Variants in ZIC2 observed in about 807,000 individuals in gnomAD.
ZIC2 encodes zinc finger protein ZIC 2.
ZIC2 carries 7 observed loss-of-function variants against 29.5 expected under a neutral mutation model. The observed-to-expected ratio is 0.24, with a 90% CI of 0.14 to 0.45. The LOEUF is 0.45. Among genes scored for constraint, ZIC2 ranks in the 20% least tolerant of loss-of-function variants. The pLI is 1.00. For synonymous variants in ZIC2, 408 were observed against 354.2 expected, an observed-to-expected ratio of 1.15 and a Z score of -1.70; for missense variants, 589 against 781.2, an observed-to-expected ratio of 0.75 and a Z score of 2.93.
rs757999325 is a variant in ZIC2 at position 99,986,117 on chromosome 13, T to A, written c.*435T>A. On this transcript the variant is annotated 3_prime_UTR_variant, in exon 3 of 3. Transcript: ENST00000376335. ...GTTTGTCCATTTGTAAAACTCCGGATTGCGTTCCTCCCCGCCTTCCGCCCC... is the reference window on the plus strand; with the variant it reads ...GTTTGTCCATTTGTAAAACTCCGGAATGCGTTCCTCCCCGCCTTCCGCCCC... The A allele has an allele frequency of 4.4e-6, 2 of 451,394 alleles. No homozygotes were observed. Among genetic ancestry groups the A allele is most frequent in the Non-Finnish European group, 8.9e-6 (2 of 225,816 alleles). The allele number at this position is 451,394 out of a possible 1,614,324, so 28.0% of individuals were successfully genotyped here.
intron 1 of ZIC2, 200 bp from the exon 2 acceptor site, chr13:99,984,737 AGTAAAATAC>A (rs2053254446): frequency 1.7e-6 from 1 of 595,260 alleles, no homozygotes; most frequent in Non-Finnish European, 3.0e-6. Context: ...CCTGGAAGAA[AGTAAAATAC>A]GAAATAAATG....
chr13:99,986,207 T>C lies in ZIC2; in HGVS notation c.*525T>C, dbSNP rs1294323513. ...TTAGTTTACCCGGTTTCTTTTTAAG[T>C]AATGTGGAAGAAAATGGTTTATTTT... is the stretch of plus-strand genomic sequence containing the variant. On this transcript the variant is annotated 3_prime_UTR_variant, in exon 3 of 3. Coordinates refer to ENST00000376335, the MANE Select transcript of ZIC2 (RefSeq NM_007129.5). The C allele has an allele frequency of 3.2e-6, 1 of 315,896 alleles. No homozygotes were observed. The highest frequency in any genetic ancestry group is 6.2e-6 in the Non-Finnish European group (1 of 162,206). The allele number at this position is 315,896 out of a possible 1,614,324, so 19.6% of individuals were successfully genotyped here. A position where few individuals can be genotyped will look rare whatever the true frequency, so the allele number is the denominator to read the frequency against.
rs1308158971 is a variant in ZIC2, at chr13:99,982,913, G to A, written c.849G>A (p.Leu283=). ...CNKTFSTMHE[L]VTHVSVEHVG... ...AAACTTTCAGCACCATGCACGAGCT[G>A]GTGACACACGTCTCGGTGGAGCACG... The change falls in exon 1 of 3, where the codon CTG becomes CTA. Residue 283 remains leucine (L), a synonymous_variant. Coordinates refer to ENST00000376335, the MANE Select transcript of ZIC2 (RefSeq NM_007129.5). The A allele has an allele frequency of 6.2e-7, 1 of 1,613,832 alleles. No individual in the cohort carries two copies. Among genetic ancestry groups the A allele is most frequent in the Non-Finnish European group, 8.5e-7 (1 of 1,180,030 alleles).
rs757262942 is a variant in ZIC2, at chr13:99,982,143, G to T, written c.79G>T (p.Ala27Ser). 1.5e-6 allele frequency: 2 copies of T among 1,331,918 alleles called. No homozygotes were observed. Among genetic ancestry groups the T allele is most frequent in the South Asian group, 4.1e-5 (2 of 48,752 alleles). 82.5% of individuals were successfully genotyped at this position (1,331,918 alleles called of 1,614,324 possible). Reference sequence around the variant, plus strand: ...GCGCCACCATCACCACTCCGCCGCGGCGGCGGCGGCGGCTGCCGCCGAGAT... The same window carrying T: ...GCGCCACCATCACCACTCCGCCGCGTCGGCGGCGGCGGCTGCCGCCGAGAT... ...FARHHHHSAA[A>S]AAAAAAEMQD... is the part of the protein sequence containing the mutation. Residue 27 changes from alanine to serine, a missense_variant, in exon 1 of 3, where the codon GCG (alanine) becomes TCG (serine). By Grantham distance (99) the Ala-to-Ser change is moderately conservative. Coordinates refer to ENST00000376335, the MANE Select transcript of ZIC2 (RefSeq NM_007129.5).
chr13:99,985,375 G>T lies in ZIC2; in HGVS notation c.1292G>T (p.Gly431Val). 1 of 1,597,652 alleles carries T rather than the reference G, an allele frequency of 6.3e-7. No homozygotes were observed. The highest frequency in any genetic ancestry group is 8.5e-7 in the Non-Finnish European group (1 of 1,179,236). The change falls in exon 3 of 3, where the codon GGC becomes GTC. Residue 431 changes from glycine (G) to valine (V), a missense_variant. Gly to Val is a moderately radical substitution (Grantham distance 109, BLOSUM62 -3). Coordinates refer to ENST00000376335, the MANE Select transcript of ZIC2 (RefSeq NM_007129.5). This position sits in a 1 kb window ranked among gnomAD's most constrained non-coding sequence, Gnocchi z 6.3. ...GAATCCTCCCCGGCCGCCAGCTCCGGCTATGAGTCGTCCACGCCCCCGGGG... is the reference window on the plus strand; with the variant it reads ...GAATCCTCCCCGGCCGCCAGCTCCGTCTATGAGTCGTCCACGCCCCCGGGG... ...GSESSPAASS[G>V]YESSTPPGLV...
Position 99,985,246 on chromosome 13 carries a change from C to A in ZIC2, c.1240-77C>A. Reference sequence around the variant, plus strand: ...GGGAACATTTCTGGGGGTGCTCTCCCCCAGGGGCCCGGCCCCACAGCAGCT... The same window carrying A: ...GGGAACATTTCTGGGGGTGCTCTCCACCAGGGGCCCGGCCCCACAGCAGCT... On this transcript the variant is annotated intron_variant, in intron 2 of 2. Coordinates refer to ENST00000376335, the MANE Select transcript of ZIC2 (RefSeq NM_007129.5). This position sits in a 1 kb window ranked among gnomAD's most constrained non-coding sequence, Gnocchi z 6.3. 6.2e-7 allele frequency: 1 copy of A among 1,603,142 alleles called. No homozygotes were observed. The highest frequency in any genetic ancestry group is 8.5e-7 in the Non-Finnish European group (1 of 1,178,008).
At chr13:99,984,886 G>A (rs1277228317) in intron 1 of ZIC2, 60 bp from the exon 2 acceptor site, 7 of 1,612,484 alleles carry the variant, frequency 4.3e-6, no homozygotes, top group Non-Finnish European at 5.9e-6. Flanking sequence ...CTCGCAGCCT[G>A]AGTGGGGGCT....
chr13:99,982,042 A>C lies in ZIC2; in HGVS notation c.-23A>C. On this transcript the variant is annotated 5_prime_UTR_variant, in exon 1 of 3. Transcript: ENST00000376335. ...GGCGGCGCGGAGGCGCAGGGCTCGCAGGGGCGGGCGGGCGCGCTGGCCATG... is the reference window on the plus strand; with the variant it reads ...GGCGGCGCGGAGGCGCAGGGCTCGCCGGGGCGGGCGGGCGCGCTGGCCATG... 1 of 1,225,254 alleles carries C rather than the reference A, an allele frequency of 8.2e-7. No individual in the cohort carries two copies. The highest frequency in any genetic ancestry group is 1.0e-6 in the Non-Finnish European group (1 of 985,456). The allele number at this position is 1,225,254 out of a possible 1,614,324, so 75.9% of individuals were successfully genotyped here. A position where few individuals can be genotyped will look rare whatever the true frequency, so the allele number is the denominator to read the frequency against.
At chr13:99,984,895 CTCTGCAGGCTCTGGGTG>C in intron 1 of ZIC2, 34 bp from the exon 2 acceptor site, 1 of 1,612,942 alleles carries the variant, frequency 6.2e-7, no homozygotes, top group Non-Finnish European at 8.5e-7. Context: ...TGAGTGGGGG[CTCTGCAGGCTCTGGGTG>C]TCTGCAGCCA....
chr13:99,985,502 G>A lies in ZIC2; in HGVS notation c.1419G>A (p.Ala473=), dbSNP rs1457621165. Residue 473 remains alanine (A), a synonymous_variant, in exon 3 of 3, where the codon GCG becomes GCA. Transcript: ENST00000376335. The surrounding 1 kb of genome is among the most constrained non-coding windows in gnomAD (Gnocchi z 6.3). ...AAAAAAAAVS[A]VHRGGGSGSG... is the part of the protein sequence containing the mutation. ...CGGCGGCGGCGGCCGCGGTGTCCGC[G>A]GTGCACCGGGGCGGAGGCTCGGGCA... 1.0e-5 allele frequency: 12 copies of A among 1,149,496 alleles called. No individual in the cohort carries two copies. The highest frequency in any genetic ancestry group is 1.3e-5 in the Non-Finnish European group (12 of 941,890). 71.2% of individuals were successfully genotyped at this position (1,149,496 alleles called of 1,614,324 possible).
chr13:99,985,709 T>C lies in ZIC2; in HGVS notation c.*27T>C. ...GGGTCGGGGCCTCTCTCCCTCTCCC[T>C]GTCCCCACCCCAGCGCAGCAGCCCT... On this transcript the variant is annotated 3_prime_UTR_variant, in exon 3 of 3. Transcript: ENST00000376335. The surrounding 1 kb of genome is among the most constrained non-coding windows in gnomAD (Gnocchi z 6.3). 2 of 1,298,486 alleles carry C rather than the reference T, an allele frequency of 1.5e-6. No homozygotes were observed. Among genetic ancestry groups the C allele is most frequent in the South Asian group, 1.6e-5 (1 of 61,496 alleles). The allele number at this position is 1,298,486 out of a possible 1,614,324, so 80.4% of individuals were successfully genotyped here.
At position 99,985,213 on chromosome 13, in the gene ZIC2, G is replaced by A. The variant is rs1248202294; in HGVS notation, c.1239+104G>A. On this transcript the variant is annotated intron_variant, in intron 2 of 2. Transcript: ENST00000376335. The surrounding 1 kb of genome is among the most constrained non-coding windows in gnomAD (Gnocchi z 6.3). ...CCTGGGAGGGTCCCCAGGGGCCAGG[G>A]CGGCGGGGGGAACATTTCTGGGGGT... 3 of 1,603,310 alleles carry A rather than the reference G, an allele frequency of 1.9e-6. No individual in the cohort carries two copies. Among genetic ancestry groups the A allele is most frequent in the Non-Finnish European group, 2.6e-6 (3 of 1,174,728 alleles).
rs529436875 is a variant in ZIC2 at position 99,984,917 on chromosome 13, C to T, written c.1076-29C>T. 5.6e-6 allele frequency: 9 copies of T among 1,613,812 alleles called. No individual in the cohort carries two copies. The South Asian group carries it at 7.7e-5, about 14-fold the overall frequency. On this transcript the variant is annotated intron_variant, in intron 1 of 2. Coordinates refer to ENST00000376335, the MANE Select transcript of ZIC2 (RefSeq NM_007129.5). ...GGGCTCTGCAGGCTCTGGGTGTCTG[C>T]AGCCAGCGCCGATGTTTGCCGTCCA...
Position 99,985,290 on chromosome 13 carries a change from C to G in ZIC2, c.1240-33C>G, listed in dbSNP as rs776273987. On this transcript the variant is annotated intron_variant, in intron 2 of 2. Transcript: ENST00000376335. This position sits in a 1 kb window ranked among gnomAD's most constrained non-coding sequence, Gnocchi z 6.3. The stretch of plus-strand genomic sequence containing the variant: ...AGCAGCTGCACTCACACCCAGTCCC[C>G]TCTGGTCCCCCCTCCCGGCTTTTGT... 3.8e-6 allele frequency: 6 copies of G among 1,599,716 alleles called. No homozygotes were observed. Among genetic ancestry groups the G allele is most frequent in the East Asian group, 2.2e-5 (1 of 44,822 alleles).
rs2053257737 is a variant in ZIC2, at chr13:99,985,173, G to A, written c.1239+64G>A. 2 of 1,611,258 alleles carry A rather than the reference G, an allele frequency of 1.2e-6. No homozygotes were observed. Among genetic ancestry groups the A allele is most frequent in the Non-Finnish European group, 1.7e-6 (2 of 1,178,528 alleles). The stretch of plus-strand genomic sequence containing the variant: ...GAGGCGCCGGTGCAGCACTGGCCCG[G>A]ACCACCTCAGCCGGCCTGGGAGGGT... On this transcript the variant is annotated intron_variant, in intron 2 of 2. Transcript: ENST00000376335. This position sits in a 1 kb window ranked among gnomAD's most constrained non-coding sequence, Gnocchi z 6.3.
chr13:99,982,235 G>T lies in ZIC2; in HGVS notation c.171G>T (p.Met57Ile). The change falls in exon 1 of 3, where the codon ATG becomes ATT. Residue 57 changes from methionine (M) to isoleucine (I), a missense_variant. Met to Ile is a conservative substitution (Grantham distance 10, BLOSUM62 1). Around this residue, in one of 7 missense-constraint regions of ZIC2, gnomAD observed 358 missense variants for 382.0 expected, o/e 0.94. Coordinates refer to ENST00000376335, the MANE Select transcript of ZIC2 (RefSeq NM_007129.5). ...NGFVDSAAAH[M>I]GAFKLNPGAH... ...TCGTTGACTCCGCCGCCGCGCACATGGGAGCCTTCAAGCTCAACCCGGGCG... is the reference window on the plus strand; with the variant it reads ...TCGTTGACTCCGCCGCCGCGCACATTGGAGCCTTCAAGCTCAACCCGGGCG... The T allele has an allele frequency of 6.6e-7, 1 of 1,515,720 alleles. No individual in the cohort carries two copies. The highest frequency in any genetic ancestry group is 1.2e-5 in the South Asian group (1 of 81,454). 93.9% of individuals were successfully genotyped at this position (1,515,720 alleles called of 1,614,324 possible).
In ZIC2 at chr13:99,982,413, C is replaced by G. The variant is rs2053239470; in HGVS notation, c.349C>G (p.Arg117Gly). Reference sequence around the variant, plus strand: ...CTCTGGGCCGCCCTTCAACTCCACCCGGGACTTCCTGTTCCGCAGCCGCGG... The same window carrying G: ...CTCTGGGCCGCCCTTCAACTCCACCGGGGACTTCCTGTTCCGCAGCCGCGG... ...SYSGPPFNSTRDFLFRSRGFG... is the reference protein window; with the variant it reads ...SYSGPPFNSTGDFLFRSRGFG... The change falls in exon 1 of 3, where the codon CGG becomes GGG. Residue 117 changes from arginine to glycine, a missense_variant. By Grantham distance (125) the Arg-to-Gly change is moderately radical. This residue lies in a region of ZIC2 where 358 missense variants were observed against 382.0 expected (regional missense o/e 0.94). Coordinates refer to ENST00000376335, the MANE Select transcript of ZIC2 (RefSeq NM_007129.5). The G allele has an allele frequency of 6.8e-7, 1 of 1,472,778 alleles. No individual in the cohort carries two copies. The highest frequency in any genetic ancestry group is 9.0e-7 in the Non-Finnish European group (1 of 1,115,282). The allele number at this position is 1,472,778 out of a possible 1,614,324, so 91.2% of individuals were successfully genotyped here.
Position 99,985,460 on chromosome 13 carries a change from AGCGGCGGCGGCG to A in ZIC2, c.1380_1391del (p.Ala467_Ala470del). 1.5e-6 allele frequency: 2 copies of A among 1,375,428 alleles called. No homozygotes were observed. Among genetic ancestry groups the A allele is most frequent in the South Asian group, 2.0e-5 (1 of 50,646 alleles). The allele number at this position is 1,375,428 out of a possible 1,614,324, so 85.2% of individuals were successfully genotyped here. A position where few individuals can be genotyped will look rare whatever the true frequency, so the allele number is the denominator to read the frequency against. ...CCAACCTGTCCCCAGCGGCGGCGGC[AGCGGCGGCGGCG>A]GCTGCGGCGGCGGCGGCCGCGGTGT... is the stretch of plus-strand genomic sequence containing the variant. On this transcript the variant is annotated inframe_deletion, in exon 3 of 3. Transcript: ENST00000376335. This position sits in a 1 kb window ranked among gnomAD's most constrained non-coding sequence, Gnocchi z 6.3.
intron 1 of ZIC2, chr13:99,984,733 A>G (rs111598053): frequency 1.4e-5 from 8 of 582,206 alleles, no homozygotes; most frequent in African/African-American, 7.5e-5. Flanking sequence ...TCAGCCTGGA[A>G]GAAAGTAAAA....
Sources: gnomAD v4.1 joint callset for allele counts on GRCh38, gnomAD v4.1.1 for gene constraint, gnomAD v4.1.1 regional missense constraint, Gnocchi (gnomAD v3.1) non-coding constraint, MANE v1.5 for transcripts, NCBI Gene and HGNC (gene_info 2026-07-23, HGNC 2026-07-21) for gene names.